Variants in STK32C observed in about 807,000 individuals in gnomAD.
STK32C encodes the protein serine/threonine kinase 32C, also known as serine/threonine-protein kinase 32C.
In STK32C, 31 loss-of-function variants were observed where a neutral mutation model predicts 56.5. That is an observed-to-expected ratio of 0.55 (90% CI 0.41 to 0.74). The LOEUF (loss-of-function observed/expected upper bound fraction) is 0.74, where lower values mean the gene tolerates loss of function less well. STK32C is among the 30% of genes least tolerant of loss of function. The probability of loss-of-function intolerance (pLI) is 0.00; values close to 1 mark genes in which losing one functional copy is unlikely to be tolerated. For synonymous variants in STK32C, 309 were observed against 289.4 expected, an observed-to-expected ratio of 1.07 and a Z score of -0.69; for missense variants, 544 against 676.9, an observed-to-expected ratio of 0.80 and a Z score of 2.18.
chr10:132,219,182 A>G (rs950484189), intron 10 of STK32C, among the ~76,000 whole-genome samples: 1 of 152,222 alleles, frequency 6.6e-6, no homozygotes, highest in African/African-American at 2.4e-5. Context: ...TATGCTTTAC[A>G]TGGATGCACT....
chr10:132,329,565 GTTTT>G (rs1352678590), intron 1 of STK32C, among the ~76,000 whole-genome samples: 2 of 152,166 alleles, frequency 1.3e-5, no homozygotes, highest in African/African-American at 4.8e-5. Flanking sequence ...GACCAATGCG[GTTTT>G]ATTTAAAAAC....
At chr10:132,235,254 T>A (rs560062287) in intron 2 of STK32C, among the ~76,000 whole-genome samples, 39 of 152,216 alleles carry the variant, frequency 2.6e-4, no homozygotes, top group African/African-American at 8.9e-4. Context: ...TCTCAATACT[T>A]TGAGAGGCGG....
rs1263470061 is a variant in STK32C at position 132,228,067 on chromosome 10, T to G, written c.380A>C (p.Gln127Pro). Reference protein sequence around the residue: ...KMYAMKYMNKQQCIERDEVRN... With the variant: ...KMYAMKYMNKPQCIERDEVRN... ...GACCTCGTCGCGCTCGATGCACTGC[T>G]GCTTGTTCATGTACTTCATGGCGTA... Residue 127 changes from glutamine (Q) to proline (P), a missense_variant, in exon 3 of 12, where the codon CAG becomes CCG. Physicochemically the swap from Gln to Pro is moderately conservative, Grantham distance 76. This residue lies in a region of STK32C where 182 missense variants were observed against 217.7 expected (regional missense o/e 0.84). Transcript: ENST00000298630. The G allele has an allele frequency of 6.2e-7, 1 of 1,613,962 alleles. No individual in the cohort carries two copies. The highest frequency in any genetic ancestry group is 8.5e-7 in the Non-Finnish European group (1 of 1,180,050).
intron 1 of STK32C, among the ~76,000 whole-genome samples, chr10:132,262,326 T>C (rs2064329609): frequency 6.6e-6 from 1 of 152,112 alleles, no homozygotes; most frequent in Non-Finnish European, 1.5e-5. Context: ...GACCTCAAAC[T>C]ATAAAAGTTC....
chr10:132,255,682 G>A lies in STK32C; in HGVS notation c.263-9727C>T, dbSNP rs1038840204. Among the ~76,000 whole-genome samples, 2 of 152,182 alleles carry A rather than the reference G, an allele frequency of 1.3e-5. No individual in the cohort carries two copies. The highest frequency in any genetic ancestry group is 4.1e-4 in the South Asian group (2 of 4,828). On this transcript the variant is annotated intron_variant, in intron 1 of 11. Coordinates refer to ENST00000298630, the MANE Select transcript of STK32C (RefSeq NM_173575.4). The surrounding 1 kb of genome is among the most constrained non-coding windows in gnomAD (Gnocchi z 4.6). ...CCCACGCGGTTTCCTGCACCACTGA[G>A]GATGTGTTGAAACCCCAGGGCAGGA...
At chr10:132,248,371 T>C (rs1435614469) in intron 1 of STK32C, among the ~76,000 whole-genome samples, 3 of 152,204 alleles carry the variant, frequency 2.0e-5, no homozygotes, top group Non-Finnish European at 4.4e-5. Flanking sequence ...CTGCGGGGCC[T>C]GCCCTGCAGT....
intron 1 of STK32C, among the ~76,000 whole-genome samples, chr10:132,251,601 T>A (rs1019496245): frequency 6.6e-6 from 1 of 152,034 alleles, no homozygotes; most frequent in African/African-American, 2.4e-5. Flanking sequence ...GGGTGGTGGG[T>A]GCCCACCTCA....
At chr10:132,316,415 C>T (rs986659267) in intron 1 of STK32C, among the ~76,000 whole-genome samples, 4 of 152,070 alleles carry the variant, frequency 2.6e-5, no homozygotes, top group Non-Finnish European at 4.4e-5. Context: ...AAGTCTACGA[C>T]CAGCCTAGGC....
intron 1 of STK32C, among the ~76,000 whole-genome samples, chr10:132,318,128 A>G (rs944966946): frequency 6.6e-6 from 1 of 151,374 alleles, no homozygotes; most frequent in Non-Finnish European, 1.5e-5. Flanking sequence ...ATTAGCCGGG[A>G]GTGGTGGCAG....
chr10:132,249,681 C>T (rs1374493262), intron 1 of STK32C, among the ~76,000 whole-genome samples: 1 of 152,196 alleles, frequency 6.6e-6, no homozygotes, highest in Non-Finnish European at 1.5e-5. Flanking sequence ...CCCCAGGTGC[C>T]CACCTGGCCT....
Position 132,229,242 on chromosome 10 carries a change from G to A in STK32C, c.319-1114C>T, listed in dbSNP as rs2063008566. Among the ~76,000 whole-genome samples the A allele has an allele frequency of 2.0e-5, 3 of 152,200 alleles. No homozygotes were observed. In the South Asian group the frequency reaches 6.2e-4, roughly 31 times the overall value. Reference sequence around the variant, plus strand: ...GTTTCCAAGGCCTTCCACAACCTCTGCTCTCTGGTCCTCAAGGAGTTGGAG... The same window carrying A: ...GTTTCCAAGGCCTTCCACAACCTCTACTCTCTGGTCCTCAAGGAGTTGGAG... On this transcript the variant is annotated intron_variant, in intron 2 of 11. Coordinates refer to ENST00000298630, the MANE Select transcript of STK32C (RefSeq NM_173575.4).
chr10:132,313,740 G>A (rs572735261), intron 1 of STK32C, among the ~76,000 whole-genome samples: 1 of 149,642 alleles, frequency 6.7e-6, no homozygotes, highest in South Asian at 2.1e-4. Flanking sequence ...AGGAATGAAT[G>A]AAAGGCCAGG....
intron 2 of STK32C, among the ~76,000 whole-genome samples, chr10:132,228,881 G>T (rs1266943201): frequency 2.0e-5 from 3 of 152,232 alleles, no homozygotes; most frequent in Non-Finnish European, 4.4e-5. Flanking sequence ...GTGGGGCTTG[G>T]GGGCCACCGC....
intron 8 of STK32C, among the ~76,000 whole-genome samples, chr10:132,224,141 T>C (rs1167297866): frequency 2.0e-5 from 3 of 150,184 alleles, no homozygotes; most frequent in Non-Finnish European, 4.4e-5. Flanking sequence ...GCTGTGAGGG[T>C]GCCTGGAGAC....
At chr10:132,269,100 A>C (rs1206748283) in intron 1 of STK32C, among the ~76,000 whole-genome samples, 1 of 149,088 alleles carries the variant, frequency 6.7e-6, no homozygotes, top group African/African-American at 2.5e-5. Context: ...TGCGTGCGTC[A>C]CATCGTGTGT....
chr10:132,322,533 G>A (rs1479879437), downstream of STK32C, among the ~76,000 whole-genome samples: 1 of 152,180 alleles, frequency 6.6e-6, no homozygotes, highest in Admixed American at 6.5e-5. Context: ...TTCTCCTAAG[G>A]ATGTGTATAA....
At chr10:132,326,894 G>A (rs1481488922) in intron 1 of STK32C, among the ~76,000 whole-genome samples, 2 of 152,070 alleles carry the variant, frequency 1.3e-5, no homozygotes, top group East Asian at 3.9e-4. Context: ...TTTTGTTTTT[G>A]GTTTACAATG....
intron 1 of STK32C, among the ~76,000 whole-genome samples, chr10:132,294,189 G>A (rs1298855442): frequency 6.6e-6 from 1 of 152,148 alleles, no homozygotes; most frequent in African/African-American, 2.4e-5. Context: ...GGAGCGGGAG[G>A]TGAAAGAGCC....
In STK32C at chr10:132,331,685, G is replaced by A. The variant is rs750239393; in HGVS notation, c.52C>T (p.Arg18Ter). Residue 18 changes from arginine (R) to a stop codon, truncating the protein, a stop_gained, in exon 1 of 2, where the codon CGA (arginine) becomes TGA (stop). Coordinates refer to the STK32C transcript ENST00000368619. LOFTEE classifies it high-confidence loss of function. The stretch of plus-strand genomic sequence containing the variant: ...AATTCTTTTCTGCTCGGCTGTCCTC[G>A]AGCAGCCCCGCCCGCCCCGGGCCCT... The A allele has an allele frequency of 2.5e-6, 4 of 1,612,740 alleles. No homozygotes were observed. The highest frequency in any genetic ancestry group is 1.1e-5 in the South Asian group (1 of 91,068).
Sources: gnomAD v4.1 joint callset for allele counts (sites outside exome capture counted in the v4.1 genomes callset) on GRCh38, gnomAD v4.1.1 for gene constraint, gnomAD v4.1.1 regional missense constraint, Gnocchi (gnomAD v3.1) non-coding constraint, MANE v1.5 for transcripts, NCBI Gene and HGNC (gene_info 2026-07-23, HGNC 2026-07-21) for gene names.